Variants in SCN10A observed in about 807,000 individuals in gnomAD.
SCN10A encodes the protein sodium channel protein type 10 subunit alpha.
SCN10A carries 162 observed loss-of-function variants against 170.7 expected under a neutral mutation model. That is an observed-to-expected ratio of 0.95 (90% CI 0.84 to 1.08). The LOEUF is 1.08. Among genes scored for constraint, SCN10A ranks in the 50% least tolerant of loss-of-function variants. The pLI, the probability that SCN10A is intolerant of heterozygous loss-of-function variation, is 0.00. For synonymous variants in SCN10A, 985 were observed against 904.6 expected (o/e 1.09, Z -1.59); for missense variants, 2,527 against 2,436.9 (o/e 1.04, Z -0.78).
intron 26 of SCN10A, among the ~76,000 whole-genome samples, chr3:38,703,664 A>C (rs2063180624): frequency 6.6e-6 from 1 of 152,136 alleles, no homozygotes; most frequent in Admixed American, 6.5e-5. Context: ...TTTTCTTGCC[A>C]TTTGTGATGC....
At chr3:38,755,676 G>A (rs1313034596) in intron 11 of SCN10A, 112 bp downstream of exon 11, 11 of 1,263,880 alleles carry the variant, frequency 8.7e-6, no homozygotes, top group Admixed American at 1.8e-5. Context: ...GATCCTTTTA[G>A]GCTCTATGCC....
At chr3:38,755,171 G>T (rs2063789890) in intron 11 of SCN10A, among the ~76,000 whole-genome samples, 1 of 151,934 alleles carries the variant, frequency 6.6e-6, no homozygotes, top group Non-Finnish European at 1.5e-5. Context: ...ACAGGTGACA[G>T]CTTGAATTGC....
At chr3:38,790,030 T>C (rs2064261043) in intron 3 of SCN10A, among the ~76,000 whole-genome samples, 1 of 152,168 alleles carries the variant, frequency 6.6e-6, no homozygotes, top group African/African-American at 2.4e-5. Flanking sequence ...TGTCTAGTTT[T>C]ACAGTTACTT....
chr3:38,765,360 C>T (rs1321673665), intron 5 of SCN10A, among the ~76,000 whole-genome samples: 1 of 152,098 alleles, frequency 6.6e-6, no homozygotes, highest in Non-Finnish European at 1.5e-5. Flanking sequence ...AGATTTAAGC[C>T]TTTTATCCAT....
intron 17 of SCN10A, among the ~76,000 whole-genome samples, chr3:38,726,316 C>T (rs1255096605): frequency 6.6e-6 from 1 of 152,168 alleles, no homozygotes; most frequent in Non-Finnish European, 1.5e-5. Flanking sequence ...ATCTCATGCA[C>T]AGAGCCTGGG....
chr3:38,786,437 G>A (rs144962987), intron 4 of SCN10A, among the ~76,000 whole-genome samples: 85 of 151,952 alleles, frequency 5.6e-4, no homozygotes, highest in African/African-American at 1.6e-3. Context: ...ATGAGAGCAC[G>A]TGGATACAGG....
intron 13 of SCN10A, among the ~76,000 whole-genome samples, chr3:38,743,199 GA>G (rs1222293840): frequency 6.6e-6 from 1 of 152,108 alleles, no homozygotes; most frequent in Non-Finnish European, 1.5e-5. Context: ...GTTCACAAAA[GA>G]ACTTCCCCTT....
chr3:38,739,472 T>C, intron 15 of SCN10A, 43 bp downstream of exon 15: 4 of 1,579,564 alleles, frequency 2.5e-6, no homozygotes, highest in South Asian at 2.3e-5. Context: ...CTTCCCTGAA[T>C]CTGGGTGGGA....
At chr3:38,746,063 G>GTATATATATATATA (rs1553619550) in intron 13 of SCN10A, among the ~76,000 whole-genome samples, 5 of 61,626 alleles carry the variant, frequency 8.1e-5, no homozygotes, top group Non-Finnish European at 1.0e-4. Context: ...GTGTGTATGT[G>GTATATATATATATA]TATATATATA....
intron 3 of SCN10A, among the ~76,000 whole-genome samples, chr3:38,789,786 G>A (rs2064256780): frequency 6.6e-6 from 1 of 152,112 alleles, no homozygotes; most frequent in African/African-American, 2.4e-5. Context: ...GACATTGAAA[G>A]GAAGGTGGGT....
At chr3:38,736,962 C>CGT (rs2063567578) in intron 15 of SCN10A, among the ~76,000 whole-genome samples, 6 of 69,244 alleles carry the variant, frequency 8.7e-5, no homozygotes, top group Non-Finnish European at 1.5e-4. Flanking sequence ...CAGAAATGTT[C>CGT]GTTTTTTTTT....
intron 13 of SCN10A, among the ~76,000 whole-genome samples, chr3:38,747,694 T>G (rs2063705954): frequency 6.6e-6 from 1 of 152,204 alleles, no homozygotes; most frequent in Non-Finnish European, 1.5e-5. Flanking sequence ...TGACCTTCTT[T>G]TGTCTTACCT....
intron 27 of SCN10A, among the ~76,000 whole-genome samples, chr3:38,700,538 T>C (rs1194652681): frequency 6.6e-6 from 1 of 152,248 alleles, no homozygotes; most frequent in East Asian, 1.9e-4. Context: ...CATGGGTGTA[T>C]ACTTATCTCC....
intron 1 of SCN10A, among the ~76,000 whole-genome samples, chr3:38,812,760 A>G (rs1383948432): frequency 1.3e-5 from 2 of 152,140 alleles, no homozygotes; most frequent in African/African-American, 2.4e-5. Context: ...ACCGCTGGGC[A>G]TGGTAGCTCA....
intron 17 of SCN10A, 41 bp downstream of exon 17, chr3:38,726,565 C>A (rs77787358): frequency 8.7e-6 from 13 of 1,493,234 alleles, no homozygotes; most frequent in Non-Finnish European, 1.2e-5. Context: ...CCTGAAGCCC[C>A]TCCCCACTGC....
chr3:38,705,561 A>G (rs1396318384), intron 26 of SCN10A, among the ~76,000 whole-genome samples: 1 of 152,198 alleles, frequency 6.6e-6, no homozygotes, highest in Admixed American at 6.5e-5. Context: ...CTTTGTAGGT[A>G]GATGCCCTCT....
intron 15 of SCN10A, among the ~76,000 whole-genome samples, chr3:38,737,738 C>A (rs1275811968): frequency 7.1e-6 from 1 of 141,522 alleles, no homozygotes; most frequent in African/African-American, 2.6e-5. Context: ...CCTTCCCTCC[C>A]TCCCTCCCTC....
chr3:38,750,846 TG>T (rs2063739277), intron 12 of SCN10A, among the ~76,000 whole-genome samples: 1 of 151,992 alleles, frequency 6.6e-6, no homozygotes, highest in Non-Finnish European at 1.5e-5. Context: ...GAAAGGAGGG[TG>T]GGGGCCCATC....
intron 24 of SCN10A, among the ~76,000 whole-genome samples, 187 bp downstream of exon 24, chr3:38,710,657 A>T (rs1288916181): frequency 6.7e-6 from 1 of 149,268 alleles, no homozygotes; most frequent in East Asian, 2.0e-4. Flanking sequence ...TGAAAGGGGG[A>T]AAGCCTCGGT....
Sources: allele counts gnomAD v4.1 joint callset (sites outside exome capture counted in the v4.1 genomes callset), GRCh38; gene constraint gnomAD v4.1.1; transcripts MANE v1.5; gene names NCBI Gene and HGNC (gene_info 2026-07-23, HGNC 2026-07-21).